Variants in APBA1 observed in about 807,000 individuals in gnomAD.
The protein encoded by APBA1 is amyloid beta precursor protein binding family A member 1.
APBA1 carries 55 observed loss-of-function variants against 86.6 expected under a neutral mutation model. The observed-to-expected ratio is 0.64, with a 90% CI of 0.51 to 0.80. APBA1 has a LOEUF of 0.80. Ranked by LOEUF, APBA1 falls within the 30% of genes least tolerant of loss-of-function variation. The pLI, the probability that APBA1 is intolerant of heterozygous loss-of-function variation, is 0.00. For missense variants in APBA1, 1,090 were observed against 1,183.0 expected (o/e 0.92, Z 1.15); for synonymous variants, 511 against 493.9 (o/e 1.03, Z -0.46).
rs568901947 is a variant in APBA1 at position 69,443,788 on chromosome 9, C to T, written c.2182-2673G>A. ...CCTATGTCTGTCCGCATTCAAAACG[C>T]ACAGTATTTCTACACCATAATGCCC... On this transcript the variant is annotated intron_variant, in intron 10 of 12. Coordinates refer to ENST00000265381, the MANE Select transcript of APBA1 (RefSeq NM_001163.4). Among the ~76,000 whole-genome samples, 14 of 152,268 alleles carry T rather than the reference C, an allele frequency of 9.2e-5. No individual in the cohort carries two copies. The South Asian group carries it at 2.7e-3, about 29-fold the overall frequency.
chr9:69,463,349 T>A (rs1288509301), intron 5 of APBA1: 1 of 152,230 alleles, frequency 6.6e-6, no homozygotes, highest in Non-Finnish European at 1.5e-5. Context: ...GGGGCCAAAT[T>A]CCTTTGTTTC....
At chr9:69,492,729 T>C (rs1002386845) in intron 2 of APBA1, among the ~76,000 whole-genome samples, 3 of 152,088 alleles carry the variant, frequency 2.0e-5, no homozygotes, top group Non-Finnish European at 4.4e-5. Context: ...TACGTATGCC[T>C]CTACTGTTAA....
intron 1 of APBA1, among the ~76,000 whole-genome samples, chr9:69,613,056 G>A (rs142961868): frequency 6.6e-6 from 1 of 152,206 alleles, no homozygotes; most frequent in East Asian, 1.9e-4. Flanking sequence ...ATCTGTGTAA[G>A]TCATGAAAGG....
chr9:69,449,685 C>T lies in APBA1; in HGVS notation c.2080G>A (p.Ala694Thr). The change falls in exon 10 of 13, where the codon GCG becomes ACG. Residue 694 changes from alanine (A) to threonine (T), a missense_variant. By Grantham distance (58) the Ala-to-Thr change is moderately conservative. This residue lies in a region of APBA1 where 97 missense variants were observed against 166.8 expected (regional missense o/e 0.58). Transcript: ENST00000265381. ...ATATTCAGCTTCCCAGATTTCTCCG[C>T]AGGGCCACCATGCATCATGTTGGCA... Reference protein sequence around the residue: ...IIANMMHGGPAEKSGKLNIGD... With the variant: ...IIANMMHGGPTEKSGKLNIGD... The T allele has an allele frequency of 1.2e-6, 2 of 1,614,086 alleles. No homozygotes were observed. The highest frequency in any genetic ancestry group is 8.5e-7 in the Non-Finnish European group (1 of 1,180,036).
chr9:69,568,829 G>T (rs1415185645), intron 1 of APBA1, among the ~76,000 whole-genome samples: 2 of 152,168 alleles, frequency 1.3e-5, no homozygotes, highest in East Asian at 3.9e-4. Context: ...AAGAATAAGA[G>T]AAATGATGTG....
intron 1 of APBA1, among the ~76,000 whole-genome samples, chr9:69,630,656 G>A (rs766135713): frequency 6.6e-5 from 10 of 151,998 alleles, no homozygotes; most frequent in Non-Finnish European, 1.3e-4. Context: ...AACTTATCAG[G>A]CTCTCTGCTC....
chr9:69,595,577 G>T (rs549165040), intron 1 of APBA1, among the ~76,000 whole-genome samples: 2 of 152,116 alleles, frequency 1.3e-5, no homozygotes, highest in Non-Finnish European at 2.9e-5. Context: ...TATGATCTTC[G>T]TGATAACTGT....
chr9:69,443,281 C>T (rs971321448), intron 10 of APBA1, among the ~76,000 whole-genome samples: 6 of 152,198 alleles, frequency 3.9e-5, no homozygotes, highest in African/African-American at 1.4e-4. Flanking sequence ...CTCAATTTTG[C>T]GAACAACTGT....
At chr9:69,473,930 T>C (rs962915637) in intron 3 of APBA1, among the ~76,000 whole-genome samples, 1 of 152,194 alleles carries the variant, frequency 6.6e-6, no homozygotes, top group East Asian at 1.9e-4. Context: ...TAAGGATATA[T>C]AGAAACATGA....
chr9:69,669,602 T>C (rs1266620311), intron 1 of APBA1, among the ~76,000 whole-genome samples: 2 of 152,274 alleles, frequency 1.3e-5, no homozygotes, highest in East Asian at 3.9e-4. Context: ...ATAGCGAGAC[T>C]CTATCTCTGA....
intron 1 of APBA1, among the ~76,000 whole-genome samples, chr9:69,640,592 A>T (rs1823267782): frequency 6.6e-6 from 1 of 152,116 alleles, no homozygotes. Flanking sequence ...TATATATTAC[A>T]TAACAGCCAC....
At chr9:69,658,079 CAT>C (rs1487456969) in intron 1 of APBA1, among the ~76,000 whole-genome samples, 5 of 152,204 alleles carry the variant, frequency 3.3e-5, no homozygotes, top group African/African-American at 9.7e-5. Context: ...ACACCACACA[CAT>C]GTATCACTAG....
intron 2 of APBA1, among the ~76,000 whole-genome samples, chr9:69,511,944 G>C (rs979009800): frequency 6.6e-6 from 1 of 151,368 alleles, no homozygotes; most frequent in Non-Finnish European, 1.5e-5. Context: ...TAGGGGGGAG[G>C]GATAGCATTG....
At chr9:69,590,813 C>T (rs1822114855) in intron 1 of APBA1, among the ~76,000 whole-genome samples, 1 of 152,152 alleles carries the variant, frequency 6.6e-6, no homozygotes, top group East Asian at 1.9e-4. Context: ...TGGCTGGGTA[C>T]CCAGCAACAG....
intron 2 of APBA1, among the ~76,000 whole-genome samples, chr9:69,502,090 T>G (rs1431940595): frequency 1.3e-5 from 2 of 152,090 alleles, no homozygotes; most frequent in South Asian, 4.1e-4. Flanking sequence ...AAGATTCCTC[T>G]TGGGAGAGGG....
At chr9:69,650,453 T>C (rs929072681) in intron 1 of APBA1, among the ~76,000 whole-genome samples, 1 of 152,224 alleles carries the variant, frequency 6.6e-6, no homozygotes, top group African/African-American at 2.4e-5. Context: ...AATTAAAACG[T>C]GTACTGTCTT....
At chr9:69,627,776 A>G (rs1049877757) in intron 1 of APBA1, among the ~76,000 whole-genome samples, 9 of 152,206 alleles carry the variant, frequency 5.9e-5, no homozygotes, top group African/African-American at 2.2e-4. Flanking sequence ...CTTGAGAATG[A>G]AACACAAATT....
At chr9:69,655,673 C>T (rs1380821337) in intron 1 of APBA1, among the ~76,000 whole-genome samples, 3 of 151,850 alleles carry the variant, frequency 2.0e-5, no homozygotes, top group Non-Finnish European at 4.4e-5. Context: ...CAACACAATC[C>T]CTATAGAAAC....
chr9:69,639,627 C>A (rs1823246787), intron 1 of APBA1, among the ~76,000 whole-genome samples: 1 of 152,114 alleles, frequency 6.6e-6, no homozygotes, highest in Non-Finnish European at 1.5e-5. Context: ...TCAATAGTAA[C>A]AATAAAACTT....
Sources: gnomAD v4.1 joint callset for allele counts (sites outside exome capture counted in the v4.1 genomes callset) on GRCh38, gnomAD v4.1.1 for gene constraint, gnomAD v4.1.1 regional missense constraint, MANE v1.5 for transcripts, NCBI Gene and HGNC (gene_info 2026-07-23, HGNC 2026-07-21) for gene names.